Variants in CLSTN2 observed in about 807,000 individuals in gnomAD.
CLSTN2 encodes calsyntenin-2.
A neutral mutation model predicts 101.2 loss-of-function variants in CLSTN2; 48 were observed. The ratio of observed to expected loss-of-function variants is 0.47; its 90% CI spans 0.38 to 0.60. The LOEUF is 0.60. Among genes scored for constraint, CLSTN2 ranks in the 20% least tolerant of loss-of-function variants. The pLI, the probability that CLSTN2 is intolerant of heterozygous loss-of-function variation, is 0.00. For synonymous variants in CLSTN2, 481 were observed against 463.6 expected (o/e 1.04, Z -0.48); for missense variants, 1,160 against 1,238.2 (o/e 0.94, Z 0.95).
intron 2 of CLSTN2, among the ~76,000 whole-genome samples, chr3:140,323,373 G>T (rs1003550301): frequency 6.6e-6 from 1 of 152,248 alleles, no homozygotes; most frequent in South Asian, 2.1e-4. Flanking sequence ...TACAAGGGAA[G>T]ATAAAATAAG....
chr3:140,491,368 T>C (rs1934349602), intron 8 of CLSTN2, among the ~76,000 whole-genome samples: 1 of 152,188 alleles, frequency 6.6e-6, no homozygotes, highest in East Asian at 1.9e-4. Flanking sequence ...TTCATTTAAT[T>C]TGAGGGATAT....
At chr3:140,474,725 T>C (rs1393423671) in intron 8 of CLSTN2, among the ~76,000 whole-genome samples, 1 of 152,190 alleles carries the variant, frequency 6.6e-6, no homozygotes, top group Non-Finnish European at 1.5e-5. Flanking sequence ...GCCAATCTGC[T>C]CTGCAGTGCA....
At chr3:140,346,840 C>T (rs2087551876) in intron 2 of CLSTN2, among the ~76,000 whole-genome samples, 1 of 152,174 alleles carries the variant, frequency 6.6e-6, no homozygotes, top group South Asian at 2.1e-4. Flanking sequence ...TTGGTAGATG[C>T]TCCAGAGTCT....
At chr3:140,552,704 T>C (rs1186974751) in intron 10 of CLSTN2, among the ~76,000 whole-genome samples, 2 of 152,160 alleles carry the variant, frequency 1.3e-5, no homozygotes, top group Non-Finnish European at 2.9e-5. Flanking sequence ...CAACCTCCAC[T>C]GCAGACCTAT....
chr3:140,411,195 T>G (rs534418154), intron 4 of CLSTN2, among the ~76,000 whole-genome samples: 1 of 152,322 alleles, frequency 6.6e-6, no homozygotes, highest in East Asian at 1.9e-4. Context: ...ACTTCACTTT[T>G]AAGGACGTGA....
intron 2 of CLSTN2, among the ~76,000 whole-genome samples, chr3:140,395,549 T>C (rs2088172219): frequency 6.6e-6 from 1 of 152,290 alleles, no homozygotes; most frequent in East Asian, 1.9e-4. Context: ...AACCCAGATG[T>C]GTGAAGAAAC....
At chr3:140,151,273 C>T (rs1353814198) in intron 1 of CLSTN2, among the ~76,000 whole-genome samples, 2 of 152,028 alleles carry the variant, frequency 1.3e-5, no homozygotes, top group African/African-American at 2.4e-5. Flanking sequence ...TCGGGGATAC[C>T]TTTGACCTAT....
chr3:140,231,987 T>C (rs1288970835), intron 2 of CLSTN2, among the ~76,000 whole-genome samples: 2 of 152,252 alleles, frequency 1.3e-5, no homozygotes, highest in African/African-American at 4.8e-5. Flanking sequence ...GGAAATAATG[T>C]AACCGGATAA....
chr3:140,176,184 C>G (rs973351608), intron 2 of CLSTN2, 111 bp downstream of exon 2: 2 of 1,177,922 alleles, frequency 1.7e-6, no homozygotes, highest in East Asian at 2.5e-5. Context: ...CCCTGTGCAT[C>G]TCTAGATCAG....
intron 2 of CLSTN2, among the ~76,000 whole-genome samples, chr3:140,262,037 T>C (rs2086658431): frequency 6.6e-6 from 1 of 152,206 alleles, no homozygotes; most frequent in Admixed American, 6.5e-5. Context: ...TGTCCTGTCC[T>C]GCTCAATTAG....
At chr3:140,196,153 A>G (rs2010640870) in intron 2 of CLSTN2, among the ~76,000 whole-genome samples, 1 of 152,224 alleles carries the variant, frequency 6.6e-6, no homozygotes, top group Admixed American at 6.5e-5. Flanking sequence ...CACTAGCTCC[A>G]ATAACAGCTG....
intron 1 of CLSTN2, among the ~76,000 whole-genome samples, chr3:140,150,007 G>A (rs546153956): frequency 5.3e-5 from 8 of 151,952 alleles, no homozygotes; most frequent in Admixed American, 1.3e-4. Flanking sequence ...ATGATTTTTC[G>A]GACAGCTGGA....
chr3:140,549,748 A>G lies in CLSTN2; in HGVS notation c.1674+3067A>G, dbSNP rs1392658732. Among the ~76,000 whole-genome samples, 4 of 148,244 alleles carry G rather than the reference A, an allele frequency of 2.7e-5. 1 individual carries two copies. Among genetic ancestry groups the G allele is most frequent in the African/African-American group, 1.0e-4 (4 of 39,612 alleles). On this transcript the variant is annotated intron_variant, in intron 10 of 16. Transcript: ENST00000458420. ...TTACTCCTCATGTCATTTCTGAATA[A>G]TGACTACTATTTTATTGGACAGTTA...
intron 8 of CLSTN2, among the ~76,000 whole-genome samples, chr3:140,524,081 G>GAGAA (rs1935089236): frequency 6.6e-6 from 1 of 152,212 alleles, no homozygotes; most frequent in Non-Finnish European, 1.5e-5. Flanking sequence ...AAAGGAAGTG[G>GAGAA]AGAAAGAGTA....
chr3:140,017,204 T>G (rs2007219709), intron 1 of CLSTN2, among the ~76,000 whole-genome samples: 1 of 152,226 alleles, frequency 6.6e-6, no homozygotes, highest in East Asian at 1.9e-4. Flanking sequence ...TGTGCTGGCT[T>G]GACCTCTCAG....
rs1212980713 is a variant in CLSTN2, at chr3:140,566,395, AG to A, written c.*143del. 4 of 783,006 alleles carry A rather than the reference AG, an allele frequency of 5.1e-6. No individual in the cohort carries two copies. In the East Asian group the frequency reaches 1.1e-4, roughly 21 times the overall value. 48.5% of individuals were successfully genotyped at this position (783,006 alleles called of 1,614,324 possible). A position where few individuals can be genotyped will look rare whatever the true frequency, so the allele number is the denominator to read the frequency against. On this transcript the variant is annotated 3_prime_UTR_variant, in exon 17 of 17. Transcript: ENST00000458420. ...CCAGCTTCCTGGAGCCCACCCTTTA[AG>A]CCTTGGGCACTCCCTGTGTTTCATC...
chr3:140,332,847 C>T (rs2087399290), intron 2 of CLSTN2, among the ~76,000 whole-genome samples: 1 of 152,126 alleles, frequency 6.6e-6, no homozygotes, highest in African/African-American at 2.4e-5. Context: ...TGTTCATTTC[C>T]TCTAGATCTT....
At chr3:140,466,525 G>C (rs9631463) in intron 7 of CLSTN2, 85 bp from the exon 8 acceptor site, 2 of 1,551,340 alleles carry the variant, frequency 1.3e-6, no homozygotes, top group Non-Finnish European at 1.8e-6. Context: ...TCTGTGCTGT[G>C]CTAAGTGAGT....
intron 1 of CLSTN2, among the ~76,000 whole-genome samples, chr3:140,154,641 C>CTTTTTTTTTTTTTT (rs35699283): frequency 1.1e-5 from 1 of 92,874 alleles, no homozygotes; most frequent in East Asian, 3.6e-4. Context: ...AAGTATCACC[C>CTTTTTTTTTTTTTT]TTTTTTTTTT....
Sources: gnomAD v4.1 joint callset for allele counts (sites outside exome capture counted in the v4.1 genomes callset) on GRCh38, gnomAD v4.1.1 for gene constraint, MANE v1.5 for transcripts, NCBI Gene and HGNC (gene_info 2026-07-23, HGNC 2026-07-21) for gene names.